Variants in ARID3B observed in about 807,000 individuals in gnomAD.
ARID3B encodes AT-rich interactive domain-containing protein 3B.
In ARID3B, 10 loss-of-function variants were observed where a neutral mutation model predicts 51.9. The observed-to-expected ratio is 0.19, with a 90% CI of 0.12 to 0.33. The LOEUF is 0.33. Ranked by LOEUF, ARID3B falls within the 10% of genes least tolerant of loss-of-function variation. ARID3B has a pLI of 1.00. For missense variants in ARID3B, 483 were observed against 716.3 expected, an observed-to-expected ratio of 0.67 and a Z score of 3.72; for synonymous variants, 205 against 279.5, an observed-to-expected ratio of 0.73 and a Z score of 2.66.
At chr15:74,595,204 T>A (rs190811582) in intron 8 of ARID3B, among the ~76,000 whole-genome samples, 21 of 152,064 alleles carry the variant, frequency 1.4e-4, no homozygotes, top group South Asian at 6.2e-4. Context: ...CAGCTAATTT[T>A]AAAAAAAATT....
At chr15:74,562,653 C>T (rs771444007) in intron 2 of ARID3B, among the ~76,000 whole-genome samples, 1 of 152,108 alleles carries the variant, frequency 6.6e-6, no homozygotes, top group Non-Finnish European at 1.5e-5. Context: ...CACCTGGTCC[C>T]CATCATAAGT....
intron 2 of ARID3B, among the ~76,000 whole-genome samples, chr15:74,545,109 TGTGTGACTAATTACA>T (rs2061610790): frequency 6.6e-6 from 1 of 152,234 alleles, no homozygotes; most frequent in Non-Finnish European, 1.5e-5. Context: ...TAAAATGAGA[TGTGTGACTAATTACA>T]GCTTTTCTAA....
At chr15:74,573,050 A>G (rs972912641) in intron 3 of ARID3B, 82 bp from the exon 4 acceptor site, 20 of 1,589,710 alleles carry the variant, frequency 1.3e-5, no homozygotes, top group Admixed American at 1.0e-4. Flanking sequence ...AGTGATTCAG[A>G]TGGTCATAGT....
At chr15:74,569,767 G>A (rs749949522) in intron 2 of ARID3B, among the ~76,000 whole-genome samples, 3 of 152,184 alleles carry the variant, frequency 2.0e-5, no homozygotes, top group Non-Finnish European at 4.4e-5. Flanking sequence ...GGCTCTGCTA[G>A]ACTGCGAAAG....
chr15:74,578,900 CAAAAG>C lies in ARID3B; in HGVS notation c.697+5700_697+5704del, dbSNP rs574435049. 1.6e-4 allele frequency among the ~76,000 whole-genome samples: 24 copies of C among 150,404 alleles called. No homozygotes were observed. The South Asian group carries it at 4.4e-3, about 28-fold the overall frequency. Reference sequence around the variant, plus strand: ...CAGAGTGAGACCTTGTCTCAAAAAACAAAAGAAAGAAGGAAAGGGAAAGGGAAATG... The same window carrying C: ...CAGAGTGAGACCTTGTCTCAAAAAACAAAGAAGGAAAGGGAAAGGGAAATG... On this transcript the variant is annotated intron_variant, in intron 4 of 8. Coordinates refer to ENST00000346246, the MANE Select transcript of ARID3B (RefSeq NM_006465.4).
intron 8 of ARID3B, among the ~76,000 whole-genome samples, chr15:74,593,579 C>T (rs2061812219): frequency 6.6e-6 from 1 of 151,352 alleles, no homozygotes; most frequent in African/African-American, 2.4e-5. Context: ...CTTCCTTTTG[C>T]AGACTGAGAC....
intron 4 of ARID3B, among the ~76,000 whole-genome samples, chr15:74,587,164 G>A (rs190782481): frequency 6.6e-5 from 10 of 152,308 alleles, no homozygotes; most frequent in Admixed American, 1.3e-4. Context: ...AAACAAGGAG[G>A]TGAGTAATAT....
intron 4 of ARID3B, among the ~76,000 whole-genome samples, chr15:74,581,818 G>C (rs2061762808): frequency 6.6e-6 from 1 of 152,190 alleles, no homozygotes; most frequent in South Asian, 2.1e-4. Flanking sequence ...GGAAAATTGA[G>C]TTATTTGATA....
At chr15:74,568,906 A>T (rs1190020838) in intron 2 of ARID3B, among the ~76,000 whole-genome samples, 1 of 152,196 alleles carries the variant, frequency 6.6e-6, no homozygotes, top group Non-Finnish European at 1.5e-5. Flanking sequence ...TTAAACTTGC[A>T]TGCAGCAACC....
chr15:74,586,388 CTAATA>C (rs1445830194), intron 4 of ARID3B, among the ~76,000 whole-genome samples: 1 of 152,194 alleles, frequency 6.6e-6, no homozygotes, highest in South Asian at 2.1e-4. Flanking sequence ...AGTTCTCAGT[CTAATA>C]TAATACAGTC....
chr15:74,569,286 C>G (rs1417049415), intron 2 of ARID3B, among the ~76,000 whole-genome samples: 1 of 152,102 alleles, frequency 6.6e-6, no homozygotes, highest in East Asian at 1.9e-4. Flanking sequence ...GGTTGGAGGT[C>G]CCACAGGGGA....
rs2061603644 is a variant in ARID3B, at chr15:74,543,853, C to G, written c.-77-7C>G. On this transcript the variant is annotated splice_polypyrimidine_tract_variant and splice_region_variant and intron_variant, in intron 1 of 8. Coordinates refer to ENST00000346246, the MANE Select transcript of ARID3B (RefSeq NM_006465.4). ...CTCCTTCTTTGTGGTTTCTGTTAAT[C>G]ACTAAGGTTTAGACCCAGTGTGCCT... 1.3e-6 allele frequency: 2 copies of G among 1,503,786 alleles called. No individual in the cohort carries two copies. The highest frequency in any genetic ancestry group is 8.9e-7 in the Non-Finnish European group (1 of 1,118,390). 93.2% of individuals were successfully genotyped at this position (1,503,786 alleles called of 1,614,324 possible).
chr15:74,560,473 C>G (rs1188848668), intron 2 of ARID3B, among the ~76,000 whole-genome samples: 1 of 152,120 alleles, frequency 6.6e-6, no homozygotes, highest in Non-Finnish European at 1.5e-5. Context: ...CTACCACTTG[C>G]TTTTGTACTC....
chr15:74,552,629 CCT>C lies in ARID3B; in HGVS notation c.552+8142_552+8143del, dbSNP rs564716441. 6.0e-4 allele frequency among the ~76,000 whole-genome samples: 91 copies of C among 152,022 alleles called. 1 individual carries two copies. In the South Asian group the frequency reaches 0.016, roughly 27 times the overall value. On this transcript the variant is annotated intron_variant, in intron 2 of 8. Transcript: ENST00000346246. ...CCCTCCCCCTTAACCCCTGGCAGCC[CCT>C]GATTCTTTTCCTGTCTATGGTTTTG...
intron 2 of ARID3B, among the ~76,000 whole-genome samples, chr15:74,548,225 G>A (rs903661163): frequency 1.6e-4 from 25 of 152,170 alleles, no homozygotes; most frequent in African/African-American, 5.1e-4. Context: ...GCCTTTTGGG[G>A]GTGGTGTTCT....
At chr15:74,542,902 T>G (rs2061599943) in intron 1 of ARID3B, among the ~76,000 whole-genome samples, 1 of 152,132 alleles carries the variant, frequency 6.6e-6, no homozygotes, top group Non-Finnish European at 1.5e-5. Flanking sequence ...GGAGACTGAT[T>G]GGTAAGAATG....
At position 74,597,048 on chromosome 15, in the gene ARID3B, C is replaced by T. The variant is rs1177929891; in HGVS notation, c.*1274C>T. 8.5e-6 allele frequency: 2 copies of T among 236,116 alleles called. No individual in the cohort carries two copies. Among genetic ancestry groups the T allele is most frequent in the Non-Finnish European group, 1.7e-5 (2 of 119,900 alleles). 14.6% of individuals were successfully genotyped at this position (236,116 alleles called of 1,614,324 possible). A position where few individuals can be genotyped will look rare whatever the true frequency, so the allele number is the denominator to read the frequency against. On this transcript the variant is annotated 3_prime_UTR_variant, in exon 9 of 9. Transcript: ENST00000346246. ...TTCTGAAGACCGTTTTCTGCCACAC[C>T]CCCACCCCCAGCTGACCAGGGAGGC...
At chr15:74,579,223 T>A in intron 4 of ARID3B, among the ~76,000 whole-genome samples, 1 of 152,210 alleles carries the variant, frequency 6.6e-6, no homozygotes, top group East Asian at 1.9e-4. Flanking sequence ...AGATGGGCCT[T>A]TCAGCCCTCA....
intron 2 of ARID3B, among the ~76,000 whole-genome samples, chr15:74,549,564 TAA>T (rs372965973): frequency 4.9e-4 from 60 of 122,282 alleles, no homozygotes; most frequent in Non-Finnish European, 4.5e-4. Context: ...TGAGATGGTG[TAA>T]AAAAAAAAAA....
Sources: allele counts gnomAD v4.1 joint callset (sites outside exome capture counted in the v4.1 genomes callset), GRCh38; gene constraint gnomAD v4.1.1; transcripts MANE v1.5; gene names NCBI Gene and HGNC (gene_info 2026-07-23, HGNC 2026-07-21).